The following TSGA10 variants were observed in gnomAD, a reference collection of about 807,000 sequenced individuals.
The protein encoded by TSGA10 is testis-specific gene 10 protein.
Under a neutral mutation model 96.6 loss-of-function variants are expected in TSGA10, and 43 were observed. That is an observed-to-expected ratio of 0.44 (90% confidence interval 0.35 to 0.57). The LOEUF is 0.57. Among genes scored for constraint, TSGA10 ranks in the 20% least tolerant of loss-of-function variants. The probability of loss-of-function intolerance (pLI) is 0.01; values close to 1 mark genes in which losing one functional copy is unlikely to be tolerated. For missense variants in TSGA10, 703 were observed against 834.4 expected, an observed-to-expected ratio of 0.84 and a Z score of 1.94; for synonymous variants, 229 against 269.9, an observed-to-expected ratio of 0.85 and a Z score of 1.48.
At chr2:99,078,849 A>C in intron 11 of TSGA10, 36 bp from the exon 12 acceptor site, 1 of 1,547,218 alleles carries the variant, frequency 6.5e-7, no homozygotes, top group Non-Finnish European at 8.7e-7. Context: ...GTTTTAATCA[A>C]AATAAAATCT....
chr2:99,097,981 G>A lies in TSGA10; in HGVS notation c.611+5986C>T, dbSNP rs144590969. Among the ~76,000 whole-genome samples the A allele has an allele frequency of 1.8e-3, 279 of 152,066 alleles. 1 individual carries two copies. The highest frequency in any genetic ancestry group is 6.1e-3 in the African/African-American group (254 of 41,512). ...ACTTAGTAATAGAAAAATTGTAAAC[G>A]TATATGCACCTAATAACATACCATC... On this transcript the variant is annotated intron_variant, in intron 10 of 20. Transcript: ENST00000393483.
chr2:99,046,628 C>G (rs574956613), intron 16 of TSGA10, among the ~76,000 whole-genome samples: 24 of 152,228 alleles, frequency 1.6e-4, no homozygotes, highest in African/African-American at 5.8e-4. Context: ...CAAGAAAGAT[C>G]TAAAATTGAC....
At chr2:99,144,212 G>A (rs973411259) in intron 1 of TSGA10, among the ~76,000 whole-genome samples, 21 of 151,728 alleles carry the variant, frequency 1.4e-4, no homozygotes, top group African/African-American at 4.8e-5. Context: ...TAGTAGAGAC[G>A]GGGTTTCACT....
At chr2:99,106,553 T>G (rs2091356190) in intron 7 of TSGA10, among the ~76,000 whole-genome samples, 1 of 147,830 alleles carries the variant, frequency 6.8e-6, no homozygotes, top group Admixed American at 6.8e-5. Context: ...TGCGACACAT[T>G]AAAAAAAAAA....
chr2:99,020,322 AT>A lies in TSGA10; in HGVS notation c.1774del (p.Ile592PhefsTer36), dbSNP rs1477316569. ...QIALQEKESE[I>X]QLLKEHLCLA... Reference sequence around the variant, plus strand: ...ACAAAGGTGTTCTTTAAGAAGCTGAATTTCAGATTCTTTTTCTTGAAGTGCT... The same window carrying A: ...ACAAAGGTGTTCTTTAAGAAGCTGAATTCAGATTCTTTTTCTTGAAGTGCT... On this transcript the variant is annotated frameshift_variant, in exon 18 of 21. Coordinates refer to ENST00000393483, the MANE Select transcript of TSGA10 (RefSeq NM_025244.4). LOFTEE classifies it high-confidence loss of function. The A allele has an allele frequency of 6.2e-7, 1 of 1,613,846 alleles. No individual in the cohort carries two copies. The highest frequency in any genetic ancestry group is 8.5e-7 in the Non-Finnish European group (1 of 1,179,860).
intron 9 of TSGA10, 52 bp downstream of exon 9, chr2:99,105,307 A>C (rs1559032364): frequency 1.4e-6 from 2 of 1,437,116 alleles, no homozygotes; most frequent in Non-Finnish European, 1.9e-6. Flanking sequence ...GAAAGGGGAA[A>C]GCCATTGAGT....
chr2:99,118,450 CAA>C (rs34057808), intron 3 of TSGA10, 99 bp downstream of exon 3: 15,393 of 261,478 alleles, frequency 0.059, 4 homozygotes, highest in Non-Finnish European at 0.073. Flanking sequence ...GACTCTATCT[CAA>C]AAAAAAAAAA....
Position 99,117,738 on chromosome 2 carries a change from T to C in TSGA10, c.-334A>G, listed in dbSNP as rs2092353052. The C allele has an allele frequency of 2.0e-6, 2 of 985,788 alleles. No individual in the cohort carries two copies. Among genetic ancestry groups the C allele is most frequent in the Non-Finnish European group, 2.4e-6 (2 of 829,888 alleles). 61.1% of individuals were successfully genotyped at this position (985,788 alleles called of 1,614,324 possible). On this transcript the variant is annotated 5_prime_UTR_variant, in exon 4 of 21. Transcript: ENST00000393483. ...CTAACATATTCTTCCAAGCCATGAT[T>C]TGTCTGTTTGAGATCTTCAATCTGT...
At chr2:99,029,062 A>G (rs145035474) in intron 17 of TSGA10, among the ~76,000 whole-genome samples, 1,631 of 152,340 alleles carry the variant, frequency 0.011, 9 homozygotes, top group Middle Eastern at 0.027. Flanking sequence ...GGAAAAGAAA[A>G]GGCCAGAAGG....
chr2:99,115,208 C>T (rs974623311), intron 4 of TSGA10, among the ~76,000 whole-genome samples: 2 of 152,090 alleles, frequency 1.3e-5, no homozygotes, highest in Non-Finnish European at 2.9e-5. Context: ...GCTGGGATTA[C>T]AGGCATAAGC....
intron 18 of TSGA10, 138 bp from the exon 19 acceptor site, chr2:99,018,778 G>C: frequency 5.6e-6 from 4 of 710,920 alleles, no homozygotes; most frequent in Non-Finnish European, 9.0e-6. Context: ...AGATTTATTA[G>C]TACATCTAAA....
At chr2:99,114,424 C>G (rs1291660546) in intron 4 of TSGA10, among the ~76,000 whole-genome samples, 1 of 152,126 alleles carries the variant, frequency 6.6e-6, no homozygotes, top group Non-Finnish European at 1.5e-5. Flanking sequence ...CATTTCAGGG[C>G]ATTCTACCAA....
rs890893269 is a variant in TSGA10, at chr2:99,018,660, A to C, written c.1818-20T>G. ...ATGGCCCTGTTTAAAAGAAGATAAGAGTTATAGTTGACTAAACTTAAAATA... is the reference window on the plus strand; with the variant it reads ...ATGGCCCTGTTTAAAAGAAGATAAGCGTTATAGTTGACTAAACTTAAAATA... On this transcript the variant is annotated intron_variant, in intron 18 of 20. Coordinates refer to ENST00000393483, the MANE Select transcript of TSGA10 (RefSeq NM_025244.4). The C allele has an allele frequency of 1.3e-5, 21 of 1,590,280 alleles. No homozygotes were observed. The highest frequency in any genetic ancestry group is 1.8e-5 in the Non-Finnish European group (21 of 1,169,268).
intron 10 of TSGA10, among the ~76,000 whole-genome samples, chr2:99,086,058 A>G (rs1337160491): frequency 2.0e-5 from 3 of 152,194 alleles, no homozygotes; most frequent in African/African-American, 7.2e-5. Flanking sequence ...AAAGGAAACA[A>G]TTGGTGCTAA....
At position 99,103,987 on chromosome 2, in the gene TSGA10, T is replaced by G. The variant is rs746429052; in HGVS notation, c.591A>C (p.Lys197Asn). ...TTTACCTCAAAGAATTATTCTCTGC[T>G]TTTTGTCTGCCAAGTTCACTTTCGG... ...MDTESELGRQ[K>N]AENNSLRLLY... The change falls in exon 10 of 21, where the codon AAA (lysine) becomes AAC (asparagine). Residue 197 changes from lysine (K) to asparagine (N), a missense_variant. Lys to Asn is a moderately conservative substitution (Grantham distance 94). Transcript: ENST00000393483. 3.1e-6 allele frequency: 5 copies of G among 1,614,098 alleles called. No individual in the cohort carries two copies. The South Asian group carries it at 5.5e-5, about 18-fold the overall frequency.
At chr2:99,055,825 C>G (rs2083912741) in intron 16 of TSGA10, among the ~76,000 whole-genome samples, 1 of 144,650 alleles carries the variant, frequency 6.9e-6, no homozygotes, top group South Asian at 2.2e-4. Flanking sequence ...TGCATTCCAG[C>G]CTGGGCAACA....
intron 1 of TSGA10, among the ~76,000 whole-genome samples, chr2:99,134,661 T>C (rs1037537166): frequency 2.6e-5 from 4 of 152,222 alleles, no homozygotes; most frequent in Admixed American, 2.6e-4. Flanking sequence ...GAAGAGGCGT[T>C]CTGGTTTTTG....
chr2:99,116,896 T>C (rs2104909098), intron 4 of TSGA10, among the ~76,000 whole-genome samples: 1 of 152,318 alleles, frequency 6.6e-6, no homozygotes, highest in Non-Finnish European at 1.5e-5. Context: ...CTCCAAATCT[T>C]CTCTTTCAGC....
chr2:99,024,996 T>C (rs920504515), intron 17 of TSGA10, among the ~76,000 whole-genome samples: 2 of 152,342 alleles, frequency 1.3e-5, no homozygotes, highest in Non-Finnish European at 2.9e-5. Context: ...CCTTACTAGA[T>C]GGTGTAAATT....
Sources: allele counts gnomAD v4.1 joint callset (sites outside exome capture counted in the v4.1 genomes callset), GRCh38; gene constraint gnomAD v4.1.1; transcripts MANE v1.5; gene names NCBI Gene and HGNC (gene_info 2026-07-23, HGNC 2026-07-21).